The following ZYG11B variants were observed in gnomAD, a reference collection of about 807,000 sequenced individuals.
ZYG11B encodes the protein protein zyg-11 homolog B.
A neutral mutation model predicts 82.4 loss-of-function variants in ZYG11B; 36 were observed. The ratio of observed to expected loss-of-function variants is 0.44; its 90% CI spans 0.33 to 0.58. ZYG11B has a LOEUF of 0.58. ZYG11B is among the 20% of genes least tolerant of loss of function. The pLI, the probability that ZYG11B is intolerant of heterozygous loss-of-function variation, is 0.02. For synonymous variants in ZYG11B, 303 were observed against 312.8 expected (o/e 0.97, Z 0.33); for missense variants, 552 against 895.6 (o/e 0.62, Z 4.90).
chr1:52,783,639 AG>A (rs1202905913), intron 4 of ZYG11B, among the ~76,000 whole-genome samples: 3 of 121,360 alleles, frequency 2.5e-5, no homozygotes, highest in Non-Finnish European at 5.1e-5. Flanking sequence ...TCTTTTCCTT[AG>A]AGGCAGGGTC....
intron 2 of ZYG11B, among the ~76,000 whole-genome samples, chr1:52,764,250 A>C (rs1644661376): frequency 6.6e-6 from 1 of 151,538 alleles, no homozygotes; most frequent in Admixed American, 6.6e-5. Flanking sequence ...CAGCCCCCTG[A>C]GTAGCTGGGA....
chr1:52,772,739 G>A (rs912653739), intron 3 of ZYG11B: 14 of 631,442 alleles, frequency 2.2e-5, no homozygotes, highest in African/African-American at 2.0e-4. Context: ...GTGCAGTGGC[G>A]CTATCTTGGC....
intron 1 of ZYG11B, among the ~76,000 whole-genome samples, chr1:52,737,911 G>C (rs528279793): frequency 6.6e-6 from 1 of 152,366 alleles, no homozygotes; most frequent in African/African-American, 2.4e-5. Flanking sequence ...AAGAGGTTGG[G>C]TAGGTGAGAA....
intron 1 of ZYG11B, among the ~76,000 whole-genome samples, chr1:52,744,403 T>G (rs1644459825): frequency 6.6e-6 from 1 of 152,172 alleles, no homozygotes; most frequent in East Asian, 1.9e-4. Context: ...CAGAATATAT[T>G]CCTGTTGTTA....
intron 13 of ZYG11B, among the ~76,000 whole-genome samples, chr1:52,819,118 A>G (rs975185369): frequency 6.6e-6 from 1 of 152,168 alleles, no homozygotes; most frequent in East Asian, 1.9e-4. Flanking sequence ...TGCATACCAC[A>G]AAAAGGCAAT....
intron 1 of ZYG11B, chr1:52,754,357 G>C (rs1644552653): frequency 1.3e-5 from 2 of 152,096 alleles, no homozygotes; most frequent in Non-Finnish European, 1.5e-5. Flanking sequence ...ATCAAGTGTA[G>C]TATCTGTTCT....
At chr1:52,764,815 T>TA (rs1316522463) in intron 2 of ZYG11B, among the ~76,000 whole-genome samples, 1 of 152,146 alleles carries the variant, frequency 6.6e-6, no homozygotes, top group Non-Finnish European at 1.5e-5. Context: ...AAAGTGGTGA[T>TA]ACTAGACTGA....
intron 2 of ZYG11B, among the ~76,000 whole-genome samples, chr1:52,769,891 C>G (rs1216727270): frequency 6.6e-6 from 1 of 151,998 alleles, no homozygotes; most frequent in Non-Finnish European, 1.5e-5. Flanking sequence ...ATTGTTACTT[C>G]TTTCACAGTC....
chr1:52,753,560 T>A (rs1484493031), intron 1 of ZYG11B, among the ~76,000 whole-genome samples: 4 of 151,936 alleles, frequency 2.6e-5, no homozygotes, highest in African/African-American at 9.7e-5. Context: ...TAGCTGAGAT[T>A]ACAGGCATCT....
chr1:52,781,856 T>G (rs1644859380), intron 4 of ZYG11B, among the ~76,000 whole-genome samples: 1 of 152,102 alleles, frequency 6.6e-6, no homozygotes, highest in Non-Finnish European at 1.5e-5. Context: ...TTTTAGTCCT[T>G]AGGATATTAT....
In ZYG11B at chr1:52,783,882, A is replaced by ATGTACATACATGTGTGTG. The variant is rs74208826; in HGVS notation, c.1093-994_1093-993insGTACATACATGTGTGTGT. 1.5e-3 allele frequency among the ~76,000 whole-genome samples: 184 copies of ATGTACATACATGTGTGTG among 126,046 alleles called. 3 individuals carry two copies. Among genetic ancestry groups the ATGTACATACATGTGTGTG allele is most frequent in the African/African-American group, 6.1e-3 (176 of 28,904 alleles). 82.7% of individuals were successfully genotyped at this position (126,046 alleles called of 152,430 possible). On this transcript the variant is annotated intron_variant, in intron 4 of 13. Transcript: ENST00000294353. ...TGTGTATGTACATACACGTGTGTGT[A>ATGTACATACATGTGTGTG]TATGTACATACACGTGTGTGTATAT... is the stretch of plus-strand genomic sequence containing the variant.
In ZYG11B at chr1:52,779,963, G is replaced by C; in HGVS notation, c.1062G>C (p.Val354=). ...TTCATCTTTTTAGTCTGACTCATGT[G>C]ATGGAAAAAACAAAGCCAGAAATTT... ...ALFHLFSLTH[V]MEKTKPEILK... The change falls in exon 4 of 14, where the codon GTG becomes GTC. Residue 354 remains valine, a synonymous_variant. Coordinates refer to ENST00000294353, the MANE Select transcript of ZYG11B (RefSeq NM_024646.3). 1 of 1,612,850 alleles carries C rather than the reference G, an allele frequency of 6.2e-7. No homozygotes were observed. Among genetic ancestry groups the C allele is most frequent in the South Asian group, 1.1e-5 (1 of 90,590 alleles).
intron 2 of ZYG11B, among the ~76,000 whole-genome samples, chr1:52,764,914 A>G (rs1195508758): frequency 2.0e-5 from 3 of 152,168 alleles, no homozygotes; most frequent in East Asian, 3.9e-4. Context: ...CCAGTAAACT[A>G]GTGTTCCTAA....
chr1:52,733,512 C>T (rs1644351563), intron 1 of ZYG11B, among the ~76,000 whole-genome samples: 1 of 151,998 alleles, frequency 6.6e-6, no homozygotes, highest in Non-Finnish European at 1.5e-5. Flanking sequence ...TATCTCTACA[C>T]AGAATGAAAA....
intron 2 of ZYG11B, among the ~76,000 whole-genome samples, chr1:52,761,130 A>G (rs1644626806): frequency 6.6e-6 from 1 of 152,212 alleles, no homozygotes; most frequent in African/African-American, 2.4e-5. Flanking sequence ...ATGCTTCAGT[A>G]CATATACTGT....
At chr1:52,773,406 G>A (rs530954168) in intron 3 of ZYG11B, among the ~76,000 whole-genome samples, 6 of 150,436 alleles carry the variant, frequency 4.0e-5, no homozygotes, top group Non-Finnish European at 7.4e-5. Context: ...TCCAGGAGGC[G>A]GAAGTTGCAG....
intron 3 of ZYG11B, chr1:52,772,612 G>A (rs553753836): frequency 1.1e-5 from 13 of 1,223,226 alleles, no homozygotes; most frequent in South Asian, 2.4e-5. Flanking sequence ...AAAGCCGACT[G>A]GGACAGGCCC....
intron 8 of ZYG11B, among the ~76,000 whole-genome samples, chr1:52,797,486 A>G (rs1309914342): frequency 1.8e-5 from 2 of 109,928 alleles, no homozygotes; most frequent in African/African-American, 7.0e-5. Flanking sequence ...ATGATATATA[A>G]TATGTATAAT....
At chr1:52,766,120 A>ATTTTTTTTTTTTTTTTTTTTTTTTT (rs60885892) in intron 2 of ZYG11B, among the ~76,000 whole-genome samples, 1 of 130,238 alleles carries the variant, frequency 7.7e-6, no homozygotes, top group African/African-American at 2.9e-5. Flanking sequence ...TTTTTTTTAA[A>ATTTTTTTTTTTTTTTTTTTTTTTTT]TTTTTTTTTT....
Sources: gnomAD v4.1 joint callset for allele counts (sites outside exome capture counted in the v4.1 genomes callset) on GRCh38, gnomAD v4.1.1 for gene constraint, MANE v1.5 for transcripts, NCBI Gene and HGNC (gene_info 2026-07-23, HGNC 2026-07-21) for gene names.